The following PLEKHM2 variants were observed in gnomAD, a reference collection of about 807,000 sequenced individuals.
PLEKHM2 encodes pleckstrin homology domain-containing family M member 2.
PLEKHM2 carries 77 observed loss-of-function variants against 116.3 expected under a neutral mutation model. That is an observed-to-expected ratio of 0.66 (90% CI 0.55 to 0.80). The LOEUF (loss-of-function observed/expected upper bound fraction) is 0.80. Ranked by LOEUF, PLEKHM2 falls within the 30% of genes least tolerant of loss-of-function variation. PLEKHM2 has a pLI of 0.00. For missense variants in PLEKHM2, 1,183 were observed against 1,354.9 expected (o/e 0.87, Z 1.99); for synonymous variants, 562 against 571.0 (o/e 0.98, Z 0.22).
At chr1:15,708,961 T>A (rs1370902652) in intron 1 of PLEKHM2, among the ~76,000 whole-genome samples, 1 of 152,212 alleles carries the variant, frequency 6.6e-6, no homozygotes, top group Non-Finnish European at 1.5e-5. Flanking sequence ...TTATGAACCC[T>A]CATGGCAACC....
Position 15,728,483 on chromosome 1 carries a change from A to T in PLEKHM2, c.1921+126A>T, listed in dbSNP as rs2068096442. The T allele has an allele frequency of 9.9e-7, 1 of 1,012,652 alleles. No individual in the cohort carries two copies. The highest frequency in any genetic ancestry group is 1.6e-5 in the South Asian group (1 of 64,282). The allele number at this position is 1,012,652 out of a possible 1,614,324, so 62.7% of individuals were successfully genotyped here. ...GCATGCAGTGATGGAAAGGCACCCC[A>T]AGGAAGGTGTTGCCAGCAGCCCTGA... On this transcript the variant is annotated intron_variant, in intron 11 of 19. Transcript: ENST00000375799. This position sits in a 1 kb window ranked among gnomAD's most constrained non-coding sequence, Gnocchi z 5.9.
rs1033356681 is a variant in PLEKHM2, at chr1:15,721,462, A to G, written c.712+74A>G. The G allele has an allele frequency of 4.8e-6, 4 of 837,302 alleles. No homozygotes were observed. In the South Asian group the frequency reaches 6.3e-5, roughly 13 times the overall value. 51.9% of individuals were successfully genotyped at this position (837,302 alleles called of 1,614,324 possible). A position where few individuals can be genotyped will look rare whatever the true frequency, so the allele number is the denominator to read the frequency against. ...CATGCCAAGCTTGCTGCATGTATCA[A>G]ATCAGCTCCTTATTATTTATAATAA... On this transcript the variant is annotated intron_variant, in intron 7 of 19. Transcript: ENST00000375799. This position sits in a 1 kb window ranked among gnomAD's most constrained non-coding sequence, Gnocchi z 5.1.
chr1:15,729,025 C>G lies in PLEKHM2; in HGVS notation c.1987-77C>G. On this transcript the variant is annotated intron_variant, in intron 12 of 19. Transcript: ENST00000375799. This position sits in a 1 kb window ranked among gnomAD's most constrained non-coding sequence, Gnocchi z 4.7. ...TGTGCTTCTTCCTCCCCAGCAAGCGCTCAGCCTGGCCAAGCTGCCTTCTCC... is the reference window on the plus strand; with the variant it reads ...TGTGCTTCTTCCTCCCCAGCAAGCGGTCAGCCTGGCCAAGCTGCCTTCTCC... 7.3e-7 allele frequency: 1 copy of G among 1,375,044 alleles called. No homozygotes were observed. The highest frequency in any genetic ancestry group is 2.0e-5 in the Admixed American group (1 of 50,754). The allele number at this position is 1,375,044 out of a possible 1,614,324, so 85.2% of individuals were successfully genotyped here.
intron 1 of PLEKHM2, 29 bp downstream of exon 1, chr1:15,684,647 C>A (rs1190912716): frequency 4.1e-6 from 5 of 1,218,208 alleles, no homozygotes; most frequent in East Asian, 3.5e-5. Context: ...CCGGCCGGGG[C>A]CCCTTCCTCG....
chr1:15,709,575 A>T (rs1341361612), intron 1 of PLEKHM2, among the ~76,000 whole-genome samples: 1 of 152,118 alleles, frequency 6.6e-6, no homozygotes, highest in Non-Finnish European at 1.5e-5. Context: ...AGGGTTAGAG[A>T]GTTAAGTAAT....
Position 15,721,263 on chromosome 1 carries a change from C to A in PLEKHM2, c.653-66C>A. On this transcript the variant is annotated intron_variant, in intron 6 of 19. Transcript: ENST00000375799. The surrounding 1 kb of genome is among the most constrained non-coding windows in gnomAD (Gnocchi z 5.1). ...ATGTCTCCCACCCCATTTCCCCTCCCCTCCCTCCAGTCATCCTTCCACTGC... is the reference window on the plus strand; with the variant it reads ...ATGTCTCCCACCCCATTTCCCCTCCACTCCCTCCAGTCATCCTTCCACTGC... 3.2e-6 allele frequency: 3 copies of A among 941,828 alleles called. No homozygotes were observed. Among genetic ancestry groups the A allele is most frequent in the South Asian group, 2.8e-5 (2 of 70,982 alleles). The allele number at this position is 941,828 out of a possible 1,614,324, so 58.3% of individuals were successfully genotyped here.
At chr1:15,698,599 G>C (rs1043832814) in intron 1 of PLEKHM2, among the ~76,000 whole-genome samples, 5 of 146,256 alleles carry the variant, frequency 3.4e-5, no homozygotes, top group Admixed American at 2.1e-4. Flanking sequence ...CCAGGCTGGA[G>C]TGCAATAGTG....
intron 1 of PLEKHM2, among the ~76,000 whole-genome samples, chr1:15,700,199 C>T (rs960601808): frequency 1.3e-5 from 2 of 152,054 alleles, no homozygotes; most frequent in Non-Finnish European, 2.9e-5. Flanking sequence ...GCCCATGGCC[C>T]CTGCTGCTCT....
intron 1 of PLEKHM2, among the ~76,000 whole-genome samples, chr1:15,713,371 C>T (rs1293349335): frequency 6.6e-6 from 1 of 151,978 alleles, no homozygotes; most frequent in African/African-American, 2.4e-5. Context: ...TAAATGGGAG[C>T]AAGGGGGCCT....
chr1:15,711,008 T>C (rs1329583641), intron 1 of PLEKHM2, among the ~76,000 whole-genome samples: 2 of 150,766 alleles, frequency 1.3e-5, no homozygotes, highest in Middle Eastern at 3.5e-3. Flanking sequence ...AACTGGATCC[T>C]TACCTCATGC....
chr1:15,683,363 G>C (rs1384942906), upstream of PLEKHM2, among the ~76,000 whole-genome samples: 2 of 152,028 alleles, frequency 1.3e-5, no homozygotes, highest in African/African-American at 4.8e-5. Context: ...GGGCTTGCAG[G>C]CTAAGAGGGT....
At position 15,727,547 on chromosome 1, in the gene PLEKHM2, A is replaced by G. The variant is rs1205783569; in HGVS notation, c.1475A>G (p.His492Arg). 1 of 1,576,920 alleles carries G rather than the reference A, an allele frequency of 6.3e-7. No homozygotes were observed. Among genetic ancestry groups the G allele is most frequent in the African/African-American group, 1.4e-5 (1 of 74,024 alleles). The change falls in exon 9 of 20, where the codon CAT becomes CGT. Residue 492 changes from histidine to arginine, a missense_variant. Physicochemically the swap from His to Arg is conservative, Grantham distance 29 (BLOSUM62 0). Coordinates refer to ENST00000375799, the MANE Select transcript of PLEKHM2 (RefSeq NM_015164.4). This position sits in a 1 kb window ranked among gnomAD's most constrained non-coding sequence, Gnocchi z 7.5. ...CCTGCAGGGCTTGGCCAACCGCTGC[A>G]TGTTCCTAGTAGCCCTGAGGCTGCT... is the stretch of plus-strand genomic sequence containing the variant. Reference protein sequence around the residue: ...HDPAGLGQPLHVPSSPEAAGQ... With the variant: ...HDPAGLGQPLRVPSSPEAAGQ...
intron 1 of PLEKHM2, among the ~76,000 whole-genome samples, chr1:15,705,515 A>T (rs2148346060): frequency 6.6e-6 from 1 of 152,138 alleles, no homozygotes; most frequent in South Asian, 2.1e-4. Flanking sequence ...TTCTGAACTT[A>T]TGCCAGAGCT....
At chr1:15,714,348 TAAAA>T (rs764341573) in intron 1 of PLEKHM2, among the ~76,000 whole-genome samples, 1 of 110,224 alleles carries the variant, frequency 9.1e-6, no homozygotes, top group Non-Finnish European at 1.9e-5. Context: ...ATTTTGAAAT[TAAAA>T]AAAAAAAAAA....
chr1:15,726,284 G>T (rs1203732919), intron 8 of PLEKHM2, among the ~76,000 whole-genome samples: 2 of 152,214 alleles, frequency 1.3e-5, no homozygotes, highest in Non-Finnish European at 2.9e-5. Context: ...GACATGGTGG[G>T]TGGCCAGCAG....
In PLEKHM2 at chr1:15,734,256, G is replaced by C. The variant is rs1029361788; in HGVS notation, c.*322G>C. On this transcript the variant is annotated 3_prime_UTR_variant, in exon 20 of 20. Coordinates refer to ENST00000375799, the MANE Select transcript of PLEKHM2 (RefSeq NM_015164.4). ...TGCAGAATTTCTGCCGAGTGGCACC[G>C]AGAACACCATCCATCTAAGGACGAA... The C allele has an allele frequency of 2.0e-4, 68 of 337,120 alleles. 1 individual carries two copies. Among genetic ancestry groups the C allele is most frequent in the African/African-American group, 1.4e-3 (67 of 46,388 alleles). 20.9% of individuals were successfully genotyped at this position (337,120 alleles called of 1,614,324 possible). A position where few individuals can be genotyped will look rare whatever the true frequency, so the allele number is the denominator to read the frequency against.
chr1:15,688,704 A>G (rs1020174603), intron 1 of PLEKHM2, among the ~76,000 whole-genome samples: 1 of 152,072 alleles, frequency 6.6e-6, no homozygotes, highest in Non-Finnish European at 1.5e-5. Flanking sequence ...TTCATATTCA[A>G]TTCTAGAAAG....
intron 1 of PLEKHM2, among the ~76,000 whole-genome samples, chr1:15,692,046 G>A (rs112653758): frequency 2.0e-5 from 3 of 151,974 alleles, no homozygotes; most frequent in Admixed American, 2.0e-4. Context: ...CCAGAAGTTC[G>A]AGGCTGCAGT....
rs552345005 is a variant in PLEKHM2, at chr1:15,732,523, C to T, written c.2799C>T (p.Cys933=). 39 of 1,609,670 alleles carry T rather than the reference C, an allele frequency of 2.4e-5. No homozygotes were observed. The highest frequency in any genetic ancestry group is 3.3e-4 in the Middle Eastern group (2 of 6,056). The change falls in exon 18 of 20, where the codon TGC becomes TGT. Residue 933 remains cysteine, a synonymous_variant. Coordinates refer to ENST00000375799, the MANE Select transcript of PLEKHM2 (RefSeq NM_015164.4). ...CCACCGAGCCGGGCAAGGAGTACTG[C>T]GTCTTGGTGAGCTTTGAGTGGGGGC... ...AVSTEPGKEY[C]VLEFSQDSQQ...
Sources: allele counts gnomAD v4.1 joint callset (sites outside exome capture counted in the v4.1 genomes callset), GRCh38; gene constraint gnomAD v4.1.1; non-coding constraint Gnocchi (gnomAD v3.1); transcripts MANE v1.5; gene names NCBI Gene and HGNC (gene_info 2026-07-23, HGNC 2026-07-21).